Variants in WDR11 observed in about 807,000 individuals in gnomAD.
The protein encoded by WDR11 is WD repeat-containing protein 11.
A neutral mutation model predicts 151.2 loss-of-function variants in WDR11; 83 were observed. That is an observed-to-expected ratio of 0.55 (90% CI 0.46 to 0.66). WDR11 has a LOEUF of 0.66. Among genes scored for constraint, WDR11 ranks in the 30% least tolerant of loss-of-function variants. WDR11 has a pLI of 0.00. For missense variants in WDR11, 1,301 were observed against 1,480.9 expected (o/e 0.88, Z 1.99); for synonymous variants, 484 against 533.1 (o/e 0.91, Z 1.27).
At position 120,858,667 on chromosome 10, in the gene WDR11, C is replaced by T; in HGVS notation, c.223C>T (p.His75Tyr). 6.2e-7 allele frequency: 1 copy of T among 1,614,170 alleles called. No homozygotes were observed. Among genetic ancestry groups the T allele is most frequent in the South Asian group, 1.1e-5 (1 of 91,080 alleles). The change falls in exon 3 of 29, where the codon CAC becomes TAC. Residue 75 changes from histidine to tyrosine, a missense_variant. Around this residue, in one of 3 missense-constraint regions of WDR11, gnomAD observed 692 missense variants for 762.5 expected, o/e 0.91. Transcript: ENST00000263461. ...VKVKWARENY[H>Y]HNIGSPYCLR... Reference sequence around the variant, plus strand: ...GGTTAAATGGGCCAGGGAAAACTATCACCATAACATTGGCTCACCATATTG... The same window carrying T: ...GGTTAAATGGGCCAGGGAAAACTATTACCATAACATTGGCTCACCATATTG...
chr10:120,901,637 A>G (rs1847819994), intron 21 of WDR11, among the ~76,000 whole-genome samples: 1 of 152,242 alleles, frequency 6.6e-6, no homozygotes, highest in Admixed American at 6.5e-5. Flanking sequence ...CATTTTTGCA[A>G]TCTAGAATCT....
intron 19 of WDR11, among the ~76,000 whole-genome samples, chr10:120,896,408 T>G (rs926857394): frequency 7.9e-5 from 12 of 151,480 alleles, no homozygotes; most frequent in Non-Finnish European, 1.2e-4. Context: ...TTGAACCATT[T>G]ATATATTTTA....
intron 21 of WDR11, 63 bp from the exon 22 acceptor site, chr10:120,902,193 AC>A: frequency 7.5e-7 from 1 of 1,327,654 alleles, no homozygotes; most frequent in African/African-American, 1.4e-5. Flanking sequence ...ATATTGATCA[AC>A]CCCCATGCTT....
intron 9 of WDR11, among the ~76,000 whole-genome samples, chr10:120,868,377 C>G (rs2133750451): frequency 6.6e-6 from 1 of 152,068 alleles, no homozygotes; most frequent in East Asian, 1.9e-4. Flanking sequence ...TCGCTTGAAC[C>G]TGGGAGGCGG....
rs139893252 is a variant in WDR11, at chr10:120,889,302, A to G, written c.2228+118A>G. On this transcript the variant is annotated intron_variant, in intron 17 of 28. Transcript: ENST00000263461. ...GCCCAGGCTGGAGTGCAGTGGTGCA[A>G]TCTCGGCTCACTGCAAGCTCTGACT... 0.018 allele frequency: 14,052 copies of G among 760,632 alleles called. 1,341 individuals carry two copies. In the African/African-American group the frequency reaches 0.21, roughly 11 times the overall value. 47.1% of individuals were successfully genotyped at this position (760,632 alleles called of 1,614,324 possible).
At chr10:120,903,975 A>T in intron 23 of WDR11, 72 bp from the exon 24 acceptor site, 1 of 1,010,138 alleles carries the variant, frequency 9.9e-7, no homozygotes. Context: ...GATCTTATTA[A>T]GTACAGTAAA....
intron 10 of WDR11, 81 bp from the exon 11 acceptor site, chr10:120,873,758 A>T: frequency 1.1e-6 from 1 of 915,286 alleles, no homozygotes; most frequent in East Asian, 2.4e-5. Context: ...TTAAGTGATT[A>T]AAGTCTTGAG....
intron 12 of WDR11, chr10:120,879,768 A>G (rs775824417): frequency 2.0e-5 from 3 of 152,200 alleles, no homozygotes; most frequent in Non-Finnish European, 4.4e-5. Context: ...GAGATTCCAC[A>G]TGATGGAATC....
At chr10:120,863,298 T>A (rs1846200602) in intron 5 of WDR11, among the ~76,000 whole-genome samples, 1 of 152,212 alleles carries the variant, frequency 6.6e-6, no homozygotes, top group Non-Finnish European at 1.5e-5. Flanking sequence ...CTGTGCATTC[T>A]CATTCAGCAG....
chr10:120,854,155 C>A (rs537136970), intron 2 of WDR11, among the ~76,000 whole-genome samples: 6 of 152,270 alleles, frequency 3.9e-5, no homozygotes, highest in African/African-American at 1.4e-4. Flanking sequence ...AAAAGAAACC[C>A]TATATCCACT....
intron 7 of WDR11, among the ~76,000 whole-genome samples, chr10:120,866,066 C>A (rs1846301776): frequency 6.6e-6 from 1 of 151,256 alleles, no homozygotes; most frequent in African/African-American, 2.4e-5. Context: ...ATTATTATAC[C>A]CCCTTGACTT....
At chr10:120,853,590 T>C (rs1845854380) in intron 2 of WDR11, among the ~76,000 whole-genome samples, 2 of 152,100 alleles carry the variant, frequency 1.3e-5, no homozygotes, top group Admixed American at 6.6e-5. Context: ...GAGTAGGAGA[T>C]TGATGTGACC....
At chr10:120,901,510 C>A (rs553195655) in intron 21 of WDR11, among the ~76,000 whole-genome samples, 1 of 152,142 alleles carries the variant, frequency 6.6e-6, no homozygotes, top group African/African-American at 2.4e-5. Context: ...CTGGTGTGCA[C>A]AGGTCTGGCT....
intron 9 of WDR11, among the ~76,000 whole-genome samples, chr10:120,869,129 G>C (rs1173855295): frequency 2.7e-5 from 1 of 37,084 alleles, no homozygotes; most frequent in South Asian, 8.3e-4. Context: ...TTTTTTTTTT[G>C]AGACGGAGTC....
At chr10:120,888,592 CAT>C (rs1205808998) in intron 16 of WDR11, among the ~76,000 whole-genome samples, 1 of 152,230 alleles carries the variant, frequency 6.6e-6, no homozygotes, top group East Asian at 1.9e-4. Flanking sequence ...TCTTCACCTT[CAT>C]GATTCCACAA....
At chr10:120,891,464 TA>T (rs1277464502) in intron 19 of WDR11, among the ~76,000 whole-genome samples, 51 of 145,576 alleles carry the variant, frequency 3.5e-4, no homozygotes, top group African/African-American at 4.8e-4. Flanking sequence ...ATATGACTTC[TA>T]AAAAAAAAAA....
intron 19 of WDR11, among the ~76,000 whole-genome samples, chr10:120,899,304 T>C (rs1260764020): frequency 6.6e-6 from 1 of 152,130 alleles, no homozygotes; most frequent in Non-Finnish European, 1.5e-5. Flanking sequence ...TTCAGTGACA[T>C]ACTCAAGGTT....
At position 120,873,997 on chromosome 10, in the gene WDR11, T is replaced by C. The variant is rs895053006; in HGVS notation, c.1556+74T>C. ...AAAATTCTCATAGACTTTTCTACAT[T>C]GAGTACTCTGTAATATCTGCAGTGG... On this transcript the variant is annotated intron_variant, in intron 11 of 28. Transcript: ENST00000263461. 4.2e-6 allele frequency: 4 copies of C among 945,252 alleles called. No homozygotes were observed. In the East Asian group the frequency reaches 9.6e-5, roughly 23 times the overall value. The allele number at this position is 945,252 out of a possible 1,614,324, so 58.6% of individuals were successfully genotyped here.
chr10:120,906,858 A>G lies in WDR11; in HGVS notation c.3517+3A>G. The G allele has an allele frequency of 6.2e-7, 1 of 1,614,186 alleles. No homozygotes were observed. Among genetic ancestry groups the G allele is most frequent in the South Asian group, 1.1e-5 (1 of 91,080 alleles). ...ATTTGAAGTCACTGAGGACACAGAT[A>G]TCCTTTGCAAGGTTGTTTGTAGTGA... On this transcript the variant is annotated splice_donor_region_variant and intron_variant, in intron 28 of 28. Transcript: ENST00000263461.
Sources: gnomAD v4.1 joint callset for allele counts (sites outside exome capture counted in the v4.1 genomes callset) on GRCh38, gnomAD v4.1.1 for gene constraint, gnomAD v4.1.1 regional missense constraint, MANE v1.5 for transcripts, NCBI Gene and HGNC (gene_info 2026-07-23, HGNC 2026-07-21) for gene names.